Variants in RBM6 observed in about 807,000 individuals in gnomAD.
The protein encoded by RBM6 is RNA-binding protein 6.
Under a neutral mutation model 140.4 loss-of-function variants are expected in RBM6, and 23 were observed. The ratio of observed to expected loss-of-function variants is 0.16; its 90% CI spans 0.12 to 0.23. The LOEUF is 0.23. RBM6 is among the 10% of genes least tolerant of loss of function. The pLI is 1.00. For synonymous variants in RBM6, 439 were observed against 475.6 expected (o/e 0.92, Z 1.00); for missense variants, 1,139 against 1,386.7 (o/e 0.82, Z 2.84).
In RBM6 at chr3:50,052,209, C is replaced by A. The variant is rs140490352; in HGVS notation, c.1633-2126C>A. Among the ~76,000 whole-genome samples, 198 of 152,228 alleles carry A rather than the reference C, an allele frequency of 1.3e-3. 6 individuals carry two copies. The East Asian group carries it at 0.037, about 28-fold the overall frequency. On this transcript the variant is annotated intron_variant, in intron 7 of 20. Coordinates refer to ENST00000266022, the MANE Select transcript of RBM6 (RefSeq NM_005777.3). ...CCTCCCAAGTAGCTGGGATTACAGGCGTGTGCCACCATCCCCAGCTAATTT... is the reference window on the plus strand; with the variant it reads ...CCTCCCAAGTAGCTGGGATTACAGGAGTGTGCCACCATCCCCAGCTAATTT...
intron 5 of RBM6, among the ~76,000 whole-genome samples, chr3:49,988,438 C>G (rs1211249523): frequency 6.6e-6 from 1 of 152,048 alleles, no homozygotes; most frequent in African/African-American, 2.4e-5. Flanking sequence ...GCCAGTGCGC[C>G]TGGCCTTCTT....
At chr3:50,010,674 G>T (rs1046173196) in intron 6 of RBM6, among the ~76,000 whole-genome samples, 1 of 151,492 alleles carries the variant, frequency 6.6e-6, no homozygotes, top group East Asian at 1.9e-4. Context: ...AGGCTGAGGC[G>T]GGCAGATCAC....
intron 6 of RBM6, among the ~76,000 whole-genome samples, chr3:50,008,546 C>CTTTTTTTTTTTTTTTTTTTTTTTTTTTTT (rs5848909): frequency 1.4e-5 from 1 of 73,694 alleles, no homozygotes; most frequent in Admixed American, 1.9e-4. Context: ...TCTTTTGTAA[C>CTTTTTTTTTTTTTTTTTTTTTTTTTTTTT]TTTTTTTTTT....
At chr3:50,062,377 G>A (rs1042417366) in intron 15 of RBM6, among the ~76,000 whole-genome samples, 6 of 152,032 alleles carry the variant, frequency 3.9e-5, no homozygotes, top group South Asian at 2.1e-4. Flanking sequence ...GGTGGTACAC[G>A]CCTGTAGTCC....
intron 6 of RBM6, among the ~76,000 whole-genome samples, chr3:50,009,495 T>C (rs1425148451): frequency 6.6e-6 from 1 of 152,186 alleles, no homozygotes; most frequent in Non-Finnish European, 1.5e-5. Flanking sequence ...GCATAGATTA[T>C]GTGTGCACAT....
intron 6 of RBM6, among the ~76,000 whole-genome samples, chr3:50,033,571 G>A (rs778155039): frequency 2.0e-5 from 3 of 152,182 alleles, no homozygotes; most frequent in Non-Finnish European, 4.4e-5. Flanking sequence ...TTGAATGCCA[G>A]GTCAGTAGAT....
chr3:49,958,415 A>G (rs2084110806), intron 1 of RBM6, among the ~76,000 whole-genome samples: 1 of 152,020 alleles, frequency 6.6e-6, no homozygotes, highest in East Asian at 1.9e-4. Context: ...ACAAAACAAA[A>G]CAAAAAAAAC....
chr3:49,954,030 G>C (rs1267809997), intron 1 of RBM6, among the ~76,000 whole-genome samples: 1 of 152,054 alleles, frequency 6.6e-6, no homozygotes, highest in Non-Finnish European at 1.5e-5. Context: ...CAGCTACTCA[G>C]GAGGCTGAGG....
intron 18 of RBM6, 54 bp from the exon 19 acceptor site, chr3:50,070,401 C>G: frequency 1.6e-6 from 2 of 1,279,138 alleles, no homozygotes; most frequent in Non-Finnish European, 2.3e-6. Flanking sequence ...AATTTCCCCA[C>G]TCCCCAATTC....
chr3:50,025,261 A>G (rs990421338), intron 6 of RBM6, among the ~76,000 whole-genome samples: 6 of 151,858 alleles, frequency 4.0e-5, no homozygotes, highest in Non-Finnish European at 8.8e-5. Context: ...CGTCTTTTCT[A>G]AAAATACAAA....
chr3:50,039,974 T>C (rs1270896573), intron 6 of RBM6, among the ~76,000 whole-genome samples: 1 of 151,812 alleles, frequency 6.6e-6, no homozygotes, highest in Non-Finnish European at 1.5e-5. Context: ...CTGTTCTTTC[T>C]ATGTTCCTGG....
chr3:50,052,986 G>GGTGTGTGTGT (rs57244510), intron 7 of RBM6, among the ~76,000 whole-genome samples: 142 of 134,742 alleles, frequency 1.1e-3, no homozygotes, highest in African/African-American at 2.4e-3. Flanking sequence ...AGTGGGCAGG[G>GGTGTGTGTGT]GTGTGTGTGT....
At chr3:50,072,930 C>T (rs1238906904) in intron 19 of RBM6, among the ~76,000 whole-genome samples, 1 of 152,124 alleles carries the variant, frequency 6.6e-6, no homozygotes, top group African/African-American at 2.4e-5. Flanking sequence ...TTCCAGTCAC[C>T]TTTTCTGCTC....
At chr3:49,957,263 T>C (rs2084037409) in intron 1 of RBM6, among the ~76,000 whole-genome samples, 1 of 152,030 alleles carries the variant, frequency 6.6e-6, no homozygotes, top group Non-Finnish European at 1.5e-5. Flanking sequence ...TGTTAGCCAC[T>C]GGCCTGTTGT....
chr3:50,015,428 A>AT (rs1362289607), intron 6 of RBM6, among the ~76,000 whole-genome samples: 1 of 127,152 alleles, frequency 7.9e-6, no homozygotes, highest in Non-Finnish European at 1.7e-5. Flanking sequence ...TATTATTATT[A>AT]TTATTTTTTT....
In RBM6 at chr3:50,068,754, G is replaced by A; in HGVS notation, c.3008G>A (p.Arg1003Lys). 1 of 1,614,020 alleles carries A rather than the reference G, an allele frequency of 6.2e-7. No homozygotes were observed. The highest frequency in any genetic ancestry group is 1.1e-5 in the South Asian group (1 of 91,078). The change falls in exon 18 of 21, where the codon AGA (arginine) becomes AAA (lysine). Residue 1003 changes from arginine (R) to lysine (K), a missense_variant. This residue lies in a region of RBM6 where 40 missense variants were observed against 80.1 expected (regional missense o/e 0.50). Transcript: ENST00000266022. ...CAGGAGCTAGCCTATCTGGAAAGGA[G>A]AGAACGAGAGGTAAACTTTGGTGAC... Reference protein sequence around the residue: ...SEQELAYLERREREGKFKGRG... With the variant: ...SEQELAYLERKEREGKFKGRG...
intron 4 of RBM6, 149 bp downstream of exon 4, chr3:49,972,297 A>C: frequency 3.1e-6 from 2 of 650,770 alleles, no homozygotes; most frequent in Non-Finnish European, 5.3e-6. Context: ...CAGTGTTAAT[A>C]TTTTGCACAA....
At chr3:49,948,493 G>C (rs750329466) in intron 1 of RBM6, among the ~76,000 whole-genome samples, 1 of 152,012 alleles carries the variant, frequency 6.6e-6, no homozygotes, top group Non-Finnish European at 1.5e-5. Flanking sequence ...TTGGGAGGCC[G>C]AGGCAGGTCA....
chr3:50,056,626 C>T (rs899172602), intron 8 of RBM6, among the ~76,000 whole-genome samples: 1 of 152,142 alleles, frequency 6.6e-6, no homozygotes, highest in Non-Finnish European at 1.5e-5. Flanking sequence ...CCACTGGGCA[C>T]CATACCACTA....
Sources: gnomAD v4.1 joint callset for allele counts (sites outside exome capture counted in the v4.1 genomes callset) on GRCh38, gnomAD v4.1.1 for gene constraint, gnomAD v4.1.1 regional missense constraint, MANE v1.5 for transcripts, NCBI Gene and HGNC (gene_info 2026-07-23, HGNC 2026-07-21) for gene names.